Variants in DOCK9 observed in about 807,000 individuals in gnomAD.
The protein encoded by DOCK9 is dedicator of cytokinesis protein 9.
Under a neutral mutation model 263.3 loss-of-function variants are expected in DOCK9, and 89 were observed. The ratio of observed to expected loss-of-function variants is 0.34; its 90% confidence interval spans 0.28 to 0.40. DOCK9 has a LOEUF of 0.40. Ranked by LOEUF, DOCK9 falls within the 10% of genes least tolerant of loss-of-function variation. The pLI is 1.00. For missense variants in DOCK9, 2,140 were observed against 2,603.4 expected (o/e 0.82, Z 3.87); for synonymous variants, 976 against 973.1 (o/e 1.00, Z -0.06).
chr13:98,814,406 CTTTTT>C (rs36080691), intron 45 of DOCK9, among the ~76,000 whole-genome samples: 1 of 139,128 alleles, frequency 7.2e-6, no homozygotes, highest in African/African-American at 2.6e-5. Context: ...AGAAGTACGT[CTTTTT>C]TTTTTTTTTT....
At chr13:99,041,638 G>T (rs1888472114) in intron 1 of DOCK9, among the ~76,000 whole-genome samples, 1 of 152,180 alleles carries the variant, frequency 6.6e-6, no homozygotes, top group Admixed American at 6.5e-5. Flanking sequence ...GTTAGATGGT[G>T]TTCCCCAAAA....
intron 20 of DOCK9, chr13:98,885,293 ATCT>A (rs2045510671): frequency 8.6e-6 from 6 of 701,526 alleles, no homozygotes; most frequent in Non-Finnish European, 1.3e-5. Context: ...GAATTCTACA[ATCT>A]TCTTTTATAA....
intron 1 of DOCK9, among the ~76,000 whole-genome samples, chr13:98,985,450 G>A (rs1878234453): frequency 6.6e-6 from 1 of 152,066 alleles, no homozygotes; most frequent in Non-Finnish European, 1.5e-5. Context: ...TGCCTGTTTT[G>A]TTCATTGCTG....
At position 98,863,024 on chromosome 13, in the gene DOCK9, C is replaced by T. The variant is rs1161349349; in HGVS notation, c.3574G>A (p.Gly1192Ser). 13 of 1,604,132 alleles carry T rather than the reference C, an allele frequency of 8.1e-6. No homozygotes were observed. The highest frequency in any genetic ancestry group is 1.1e-5 in the Non-Finnish European group (13 of 1,175,446). The change falls in exon 32 of 53, where the codon GGC becomes AGC. Residue 1192 changes from glycine (G) to serine (S), a missense_variant. Transcript: ENST00000682017. Reference protein sequence around the residue: ...RDVSPFPVNAGMTVKDESLAL... With the variant: ...RDVSPFPVNASMTVKDESLAL... ...ATGTGACCATGCTTACGTACCATGCCCGCGTTCACAGGGAAGGGTGACACA... is the reference window on the plus strand; with the variant it reads ...ATGTGACCATGCTTACGTACCATGCTCGCGTTCACAGGGAAGGGTGACACA...
intron 27 of DOCK9, among the ~76,000 whole-genome samples, chr13:98,878,734 A>G (rs1198308899): frequency 6.6e-6 from 1 of 152,246 alleles, no homozygotes; most frequent in Admixed American, 6.5e-5. Flanking sequence ...AGAGAGACAG[A>G]AAAAAGAAAA....
chr13:98,903,599 C>CAA (rs72290114), intron 10 of DOCK9, among the ~76,000 whole-genome samples: 24 of 78,536 alleles, frequency 3.1e-4, no homozygotes, highest in African/African-American at 8.0e-4. Flanking sequence ...GACTCTGCCT[C>CAA]AAAAAAAAAA....
chr13:98,837,617 A>G lies in DOCK9; in HGVS notation c.4199-8T>C, dbSNP rs1365294398. 1.2e-6 allele frequency: 2 copies of G among 1,600,610 alleles called. No individual in the cohort carries two copies. Among genetic ancestry groups the G allele is most frequent in the Non-Finnish European group, 8.6e-7 (1 of 1,168,852 alleles). ...CGTCCGAGTGGCCATAGCCTGCATG[A>G]ATTACAACACAAGATTACTGCCCAG... is the stretch of plus-strand genomic sequence containing the variant. On this transcript the variant is annotated splice_region_variant and splice_polypyrimidine_tract_variant and intron_variant, in intron 38 of 52. Transcript: ENST00000682017.
In DOCK9 at chr13:98,949,388, C is replaced by T. The variant is rs1165319187; in HGVS notation, c.243+6047G>A. 3.3e-5 allele frequency among the ~76,000 whole-genome samples: 5 copies of T among 152,266 alleles called. No homozygotes were observed. The South Asian group carries it at 1.0e-3, about 32-fold the overall frequency. ...CCACTGTTACAGGAGTCTTACAGAG[C>T]CTTGTACATAGCTTGAGTTACTCAT... On this transcript the variant is annotated intron_variant, in intron 2 of 52. Coordinates refer to ENST00000682017, the MANE Select transcript of DOCK9 (RefSeq NM_001366683.2).
intron 1 of DOCK9, among the ~76,000 whole-genome samples, chr13:99,047,171 C>G (rs947114773): frequency 1.3e-5 from 2 of 152,120 alleles, no homozygotes; most frequent in African/African-American, 4.8e-5. Context: ...AGATAATGTG[C>G]TAATTGAAAT....
intron 4 of DOCK9, among the ~76,000 whole-genome samples, chr13:98,924,888 G>A (rs1355663464): frequency 6.6e-6 from 1 of 152,142 alleles, no homozygotes; most frequent in Non-Finnish European, 1.5e-5. Flanking sequence ...TTCTTGGCTA[G>A]TCTCGGTGGC....
At chr13:98,926,230 A>C (rs1461840146) in intron 3 of DOCK9, among the ~76,000 whole-genome samples, 1 of 152,222 alleles carries the variant, frequency 6.6e-6, no homozygotes, top group South Asian at 2.1e-4. Context: ...ATTTCAGAGT[A>C]AGCACCTGGT....
intron 2 of DOCK9, among the ~76,000 whole-genome samples, chr13:98,955,002 AC>A (rs571595558): frequency 7.5e-4 from 114 of 152,300 alleles, no homozygotes; most frequent in African/African-American, 2.6e-3. Context: ...TTCTTAAATA[AC>A]ATCTTATTTT....
chr13:98,821,127 C>G (rs2092247800), intron 45 of DOCK9, among the ~76,000 whole-genome samples: 1 of 152,190 alleles, frequency 6.6e-6, no homozygotes, highest in African/African-American at 2.4e-5. Flanking sequence ...CTACTTTTCC[C>G]TCTGGAGCTC....
At chr13:98,854,008 AC>A (rs1235867646) in intron 34 of DOCK9, among the ~76,000 whole-genome samples, 1 of 152,082 alleles carries the variant, frequency 6.6e-6, no homozygotes, top group African/African-American at 2.4e-5. Flanking sequence ...AGGCGCCATC[AC>A]CCAGGGTGCA....
At chr13:99,047,584 T>C (rs1426772746) in intron 1 of DOCK9, among the ~76,000 whole-genome samples, 1 of 147,576 alleles carries the variant, frequency 6.8e-6, no homozygotes, top group East Asian at 2.1e-4. Context: ...AGTGGTGCCA[T>C]CCTGGCTCTC....
rs565419692 is a variant in DOCK9 at position 98,880,447 on chromosome 13, T to C, written c.2871+100A>G. ...ACTACCCCTTTTTAGGGAGTGGTGT[T>C]TGTCTCTAAGAGCACTCAGAAAGGC... On this transcript the variant is annotated intron_variant, in intron 26 of 52. Coordinates refer to ENST00000682017, the MANE Select transcript of DOCK9 (RefSeq NM_001366683.2). 8.3e-5 allele frequency: 125 copies of C among 1,501,288 alleles called. No individual in the cohort carries two copies. In the South Asian group the frequency reaches 1.2e-3, roughly 14 times the overall value. 93.0% of individuals were successfully genotyped at this position (1,501,288 alleles called of 1,614,324 possible). A position where few individuals can be genotyped will look rare whatever the true frequency, so the allele number is the denominator to read the frequency against.
chr13:98,896,814 TC>T (rs1347246766), intron 15 of DOCK9, among the ~76,000 whole-genome samples: 1 of 152,206 alleles, frequency 6.6e-6, no homozygotes, highest in Non-Finnish European at 1.5e-5. Flanking sequence ...TTGAATTGTG[TC>T]CTCCAAAAGC....
chr13:98,963,099 C>T (rs1567110615), intron 1 of DOCK9, among the ~76,000 whole-genome samples: 1 of 152,138 alleles, frequency 6.6e-6, no homozygotes, highest in Non-Finnish European at 1.5e-5. Flanking sequence ...TACCGAGGCC[C>T]CGCCAGTCCC....
At chr13:98,892,445 C>A (rs1196480962) in intron 15 of DOCK9, among the ~76,000 whole-genome samples, 2 of 151,984 alleles carry the variant, frequency 1.3e-5, no homozygotes, top group African/African-American at 4.8e-5. Flanking sequence ...TGAGTTTAAT[C>A]TTCTAACTGT....
Sources: gnomAD v4.1 joint callset for allele counts (sites outside exome capture counted in the v4.1 genomes callset) on GRCh38, gnomAD v4.1.1 for gene constraint, MANE v1.5 for transcripts, NCBI Gene and HGNC (gene_info 2026-07-23, HGNC 2026-07-21) for gene names.